MEGF11: variants seen among roughly 807,000 people sequenced by gnomAD.
MEGF11 encodes the protein multiple epidermal growth factor-like domains protein 11.
A neutral mutation model predicts 146.6 loss-of-function variants in MEGF11; 126 were observed. That is an observed-to-expected ratio of 0.86 (90% CI 0.74 to 1.00). The LOEUF is 1.00. Among genes scored for constraint, MEGF11 ranks in the 50% least tolerant of loss-of-function variants. The probability of loss-of-function intolerance (pLI) is 0.00; values close to 1 mark genes in which losing one functional copy is unlikely to be tolerated. For missense variants in MEGF11, 1,509 were observed against 1,521.2 expected (o/e 0.99, Z 0.13); for synonymous variants, 532 against 583.4 (o/e 0.91, Z 1.27).
In MEGF11 at chr15:65,982,647, G is replaced by A. The variant is rs898969799; in HGVS notation, c.395-159C>T. 6.6e-6 allele frequency among the ~76,000 whole-genome samples: 1 copy of A among 152,208 alleles called. No homozygotes were observed. The highest frequency in any genetic ancestry group is 1.5e-5 in the Non-Finnish European group (1 of 68,040). On this transcript the variant is annotated intron_variant, in intron 5 of 25. Coordinates refer to ENST00000395614, the MANE Select transcript of MEGF11 (RefSeq NM_001385028.1). This position sits in a 1 kb window ranked among gnomAD's most constrained non-coding sequence, Gnocchi z 5.6. ...TGGAAGCTTTGGTGCCTCATAACCT[G>A]CATCAGTTCTTCCACCAAGCCATGC...
chr15:66,246,967 G>A (rs1280992705), intron 1 of MEGF11, among the ~76,000 whole-genome samples: 3 of 152,150 alleles, frequency 2.0e-5, no homozygotes, highest in Non-Finnish European at 2.9e-5. Flanking sequence ...AGTACTGATC[G>A]TATTTGGATT....
intron 10 of MEGF11, among the ~76,000 whole-genome samples, chr15:65,942,440 G>A (rs1314292195): frequency 6.6e-6 from 1 of 152,188 alleles, no homozygotes; most frequent in Non-Finnish European, 1.5e-5. Context: ...AGGGTATAAA[G>A]CTAAGATGGC....
At chr15:66,119,332 A>T in intron 3 of MEGF11, 146 bp from the exon 4 acceptor site, 8 of 635,398 alleles carry the variant, frequency 1.3e-5, no homozygotes, top group Non-Finnish European at 2.2e-5. Flanking sequence ...GGAACACAAT[A>T]AAAAAATCAA....
At chr15:66,108,981 T>C (rs1597091819) in intron 4 of MEGF11, among the ~76,000 whole-genome samples, 1 of 152,182 alleles carries the variant, frequency 6.6e-6, no homozygotes, top group South Asian at 2.1e-4. Context: ...CCGGTGCAGA[T>C]GGCAGAGGCT....
intron 5 of MEGF11, among the ~76,000 whole-genome samples, chr15:66,020,646 G>A (rs897072599): frequency 6.6e-6 from 1 of 152,186 alleles, no homozygotes; most frequent in African/African-American, 2.4e-5. Context: ...AAGAAATGGT[G>A]AGACTTCCTG....
chr15:66,186,460 T>C (rs2090706516), intron 1 of MEGF11, among the ~76,000 whole-genome samples: 1 of 152,202 alleles, frequency 6.6e-6, no homozygotes, highest in Admixed American at 6.5e-5. Context: ...CATCATTCTC[T>C]GAGGGCTTAG....
chr15:66,101,441 T>G (rs2086804153), intron 4 of MEGF11, among the ~76,000 whole-genome samples: 1 of 152,234 alleles, frequency 6.6e-6, no homozygotes, highest in East Asian at 1.9e-4. Flanking sequence ...TGTCACTTCC[T>G]CCAGGAAGCT....
intron 13 of MEGF11, among the ~76,000 whole-genome samples, chr15:65,923,565 A>G (rs1486565567): frequency 6.6e-6 from 1 of 152,232 alleles, no homozygotes; most frequent in Non-Finnish European, 1.5e-5. Flanking sequence ...TCATGCATAC[A>G]TACAATAGAA....
intron 4 of MEGF11, among the ~76,000 whole-genome samples, chr15:66,103,109 A>G (rs1038956721): frequency 3.3e-5 from 5 of 152,254 alleles, no homozygotes; most frequent in African/African-American, 1.2e-4. Flanking sequence ...GAACTAGAAT[A>G]GGAACTGAGT....
chr15:66,076,806 C>G (rs2085608380), intron 5 of MEGF11, among the ~76,000 whole-genome samples: 1 of 152,210 alleles, frequency 6.6e-6, no homozygotes, highest in African/African-American at 2.4e-5. Context: ...AATCTCCCCC[C>G]ATCCAATCTG....
intron 24 of MEGF11, among the ~76,000 whole-genome samples, chr15:65,905,058 A>G (rs1229897450): frequency 6.6e-6 from 1 of 152,092 alleles, no homozygotes; most frequent in East Asian, 1.9e-4. Flanking sequence ...ATGTCTGGCT[A>G]ATTTTTGTAT....
chr15:66,132,548 C>A (rs2088691417), intron 1 of MEGF11, among the ~76,000 whole-genome samples: 1 of 152,074 alleles, frequency 6.6e-6, no homozygotes, highest in African/African-American at 2.4e-5. Context: ...GGAGTGGCAG[C>A]AGTCAGACAC....
At chr15:66,234,287 G>A (rs1248402532) in intron 1 of MEGF11, among the ~76,000 whole-genome samples, 2 of 152,236 alleles carry the variant, frequency 1.3e-5, no homozygotes, top group African/African-American at 4.8e-5. Context: ...CTAACACGCC[G>A]AGAGGAACAG....
Position 65,982,109 on chromosome 15 carries a change from G to A in MEGF11, c.641+133C>T, listed in dbSNP as rs2081661389. 2.4e-6 allele frequency: 3 copies of A among 1,233,122 alleles called. No homozygotes were observed. The highest frequency in any genetic ancestry group is 3.2e-6 in the Non-Finnish European group (3 of 925,928). 76.4% of individuals were successfully genotyped at this position (1,233,122 alleles called of 1,614,324 possible). ...ACCCACAAGGAGCCCAGGGCTGGGC[G>A]TGCAGCTGCGGTGAGGGCAGCCACT... On this transcript the variant is annotated intron_variant, in intron 6 of 25. Coordinates refer to ENST00000395614, the MANE Select transcript of MEGF11 (RefSeq NM_001385028.1). This position sits in a 1 kb window ranked among gnomAD's most constrained non-coding sequence, Gnocchi z 5.6.
intron 4 of MEGF11, among the ~76,000 whole-genome samples, chr15:66,095,910 G>T (rs1319461922): frequency 1.3e-5 from 2 of 152,230 alleles, no homozygotes; most frequent in Admixed American, 6.5e-5. Flanking sequence ...AGAACCCAGT[G>T]GGCCTTGACC....
chr15:66,137,856 T>G (rs1255426066), intron 1 of MEGF11, among the ~76,000 whole-genome samples: 1 of 152,042 alleles, frequency 6.6e-6, no homozygotes, highest in African/African-American at 2.4e-5. Flanking sequence ...CCAACTTACT[T>G]TCTTCTCTAT....
intron 5 of MEGF11, among the ~76,000 whole-genome samples, chr15:66,005,106 G>A (rs1046480729): frequency 6.6e-6 from 1 of 152,094 alleles, no homozygotes; most frequent in African/African-American, 2.4e-5. Flanking sequence ...TCTTAAAAAA[G>A]AAAAACAGAT....
intron 8 of MEGF11, 82 bp downstream of exon 8, chr15:65,970,471 A>G: frequency 1.4e-6 from 2 of 1,425,866 alleles, no homozygotes; most frequent in Admixed American, 2.0e-5. Flanking sequence ...TGGCAGAGAG[A>G]GGGCTATGAG....
intron 1 of MEGF11, among the ~76,000 whole-genome samples, chr15:66,239,298 C>G (rs776394206): frequency 1.2e-4 from 18 of 152,186 alleles, no homozygotes; most frequent in Admixed American, 2.0e-4. Flanking sequence ...CTGGTATCAA[C>G]CCCCATCTGA....
Sources: allele counts gnomAD v4.1 joint callset (sites outside exome capture counted in the v4.1 genomes callset), GRCh38; gene constraint gnomAD v4.1.1; non-coding constraint Gnocchi (gnomAD v3.1); transcripts MANE v1.5; gene names NCBI Gene and HGNC (gene_info 2026-07-23, HGNC 2026-07-21).